The following MORN1 variants were observed in gnomAD, a reference collection of about 807,000 sequenced individuals.
MORN1 encodes MORN repeat-containing protein 1.
MORN1 carries 67 observed loss-of-function variants against 61.9 expected under a neutral mutation model. The ratio of observed to expected loss-of-function variants is 1.08; its 90% CI spans 0.89 to 1.33. The LOEUF is 1.33. Among genes scored for constraint, MORN1 ranks in the 40% most tolerant of loss-of-function variants. The probability of loss-of-function intolerance (pLI) is 0.00; values close to 1 mark genes in which losing one functional copy is unlikely to be tolerated. For missense variants in MORN1, 752 were observed against 691.2 expected (o/e 1.09, Z -0.99); for synonymous variants, 301 against 292.0 (o/e 1.03, Z -0.31).
At chr1:2,329,786 C>T (rs532961710) in intron 12 of MORN1, among the ~76,000 whole-genome samples, 1 of 152,236 alleles carries the variant, frequency 6.6e-6, no homozygotes, top group Admixed American at 6.5e-5. Context: ...TAGTGTTCCC[C>T]AAGGCCCCAC....
chr1:2,334,900 G>C lies in MORN1; in HGVS notation c.1250+1569C>G, dbSNP rs1195406675. Among the ~76,000 whole-genome samples the C allele has an allele frequency of 2.0e-5, 3 of 152,226 alleles. No individual in the cohort carries two copies. Among genetic ancestry groups the C allele is most frequent in the African/African-American group, 7.2e-5 (3 of 41,466 alleles). ...GAGGTTGCCACGGTTCTGGAGCGAA[G>C]TGGAGGTGCCGCCCTGGGCGTTCGG... On this transcript the variant is annotated intron_variant, in intron 12 of 13. Transcript: ENST00000378531. This position sits in a 1 kb window ranked among gnomAD's most constrained non-coding sequence, Gnocchi z 5.4.
intron 13 of MORN1, chr1:2,322,909 G>T: frequency 1.0e-6 from 1 of 985,412 alleles, no homozygotes. Flanking sequence ...CGGCAGGCCG[G>T]GCCTCGACGG....
intron 12 of MORN1, chr1:2,332,823 G>A (rs1010357078): frequency 9.7e-5 from 42 of 431,746 alleles, no homozygotes; most frequent in South Asian, 4.7e-4. Flanking sequence ...GGGAGAAGCC[G>A]GAGCCAGGAC....
At position 2,337,320 on chromosome 1, in the gene MORN1, C is replaced by T. The variant is rs997251484; in HGVS notation, c.1037-470G>A. ...CATCAAGATGGACCTGGCGTCAGGA[C>T]CCGTTCTCCACAGGCGTGGAGGGAG... On this transcript the variant is annotated intron_variant, in intron 10 of 13. Transcript: ENST00000378531. This position sits in a 1 kb window ranked among gnomAD's most constrained non-coding sequence, Gnocchi z 5.7. Among the ~76,000 whole-genome samples, 2 of 152,184 alleles carry T rather than the reference C, an allele frequency of 1.3e-5. No homozygotes were observed. The highest frequency in any genetic ancestry group is 4.8e-5 in the African/African-American group (2 of 41,438).
At chr1:2,342,389 C>T (rs898869573) in intron 10 of MORN1, among the ~76,000 whole-genome samples, 22 of 152,356 alleles carry the variant, frequency 1.4e-4, no homozygotes, top group East Asian at 7.7e-4. Context: ...GAAGCAGAAA[C>T]GTTGACTTCG....
rs374218411 is a variant in MORN1, at chr1:2,339,031, G to T, written c.1037-2181C>A. Among the ~76,000 whole-genome samples, 40 of 152,280 alleles carry T rather than the reference G, an allele frequency of 2.6e-4. No homozygotes were observed. The South Asian group carries it at 8.3e-3, about 32-fold the overall frequency. Reference sequence around the variant, plus strand: ...GGGTTCCTTGAGCCTGTGTGGGTTTGACACGTGGGGTCCCCTGGAGGTGCA... The same window carrying T: ...GGGTTCCTTGAGCCTGTGTGGGTTTTACACGTGGGGTCCCCTGGAGGTGCA... On this transcript the variant is annotated intron_variant, in intron 10 of 13. Coordinates refer to ENST00000378531, the MANE Select transcript of MORN1 (RefSeq NM_024848.3).
intron 6 of MORN1, 82 bp from the exon 7 acceptor site, chr1:2,374,639 T>A: frequency 8.0e-7 from 1 of 1,245,508 alleles, no homozygotes; most frequent in Non-Finnish European, 1.1e-6. Flanking sequence ...AGCTTCCTGG[T>A]GCTACAGCAG....
intron 6 of MORN1, among the ~76,000 whole-genome samples, chr1:2,384,499 G>C (rs1320242293): frequency 6.6e-6 from 1 of 152,200 alleles, no homozygotes; most frequent in Non-Finnish European, 1.5e-5. Context: ...GCTCCCTTTT[G>C]TAAGAAAAAA....
chr1:2,348,456 G>A (rs888700706), intron 10 of MORN1, among the ~76,000 whole-genome samples: 4 of 152,048 alleles, frequency 2.6e-5, no homozygotes, highest in African/African-American at 7.2e-5. Context: ...CCTCCATCCT[G>A]CCCCAGCCTG....
chr1:2,379,244 C>T, intron 6 of MORN1: 1 of 445,144 alleles, frequency 2.2e-6, no homozygotes, highest in South Asian at 1.7e-5. Flanking sequence ...TAGGAGGTGC[C>T]AAGGGCATGA....
At chr1:2,378,507 T>C (rs1642294954) in intron 6 of MORN1, 1 of 180,434 alleles carries the variant, frequency 5.5e-6, no homozygotes, top group African/African-American at 2.4e-5. Flanking sequence ...GCTCGGGGAC[T>C]GCGGCAGGCA....
chr1:2,345,157 C>G (rs1338984725), intron 10 of MORN1, among the ~76,000 whole-genome samples: 4 of 152,200 alleles, frequency 2.6e-5, no homozygotes, highest in African/African-American at 9.6e-5. Flanking sequence ...CGAGGGTCCA[C>G]GTGTGCTCAC....
intron 10 of MORN1, chr1:2,352,192 A>G (rs574487756): frequency 4.5e-6 from 1 of 223,166 alleles, no homozygotes; most frequent in Non-Finnish European, 8.8e-6. Context: ...AGCAATTAAA[A>G]AAAAAAGAAG....
intron 13 of MORN1, chr1:2,322,492 G>A (rs1640904890): frequency 1.0e-6 from 1 of 985,304 alleles, no homozygotes; most frequent in African/African-American, 1.7e-5. Context: ...GCGTTCCCAG[G>A]GCTGGACAAG....
At chr1:2,321,922 C>A in intron 13 of MORN1, 3 of 802,426 alleles carry the variant, frequency 3.7e-6, no homozygotes, top group Non-Finnish European at 4.5e-6. Context: ...CCACTGCTGA[C>A]CTGGCTACAG....
intron 12 of MORN1, chr1:2,332,320 A>G (rs1641175560): frequency 3.3e-6 from 1 of 303,588 alleles, no homozygotes; most frequent in Non-Finnish European, 6.5e-6. Context: ...GCTCCCCTAG[A>G]GCCCCGGTCT....
At chr1:2,352,929 G>T (rs1270278455) in intron 10 of MORN1, 2 of 152,488 alleles carry the variant, frequency 1.3e-5, no homozygotes, top group Non-Finnish European at 2.9e-5. Context: ...GTTTCTGCAG[G>T]TGCGGTCTCT....
rs775435501 is a variant in MORN1, at chr1:2,372,484, T to G, written c.742A>C (p.Lys248Gln). 1.9e-6 allele frequency: 3 copies of G among 1,612,344 alleles called. No homozygotes were observed. The highest frequency in any genetic ancestry group is 2.5e-6 in the Non-Finnish European group (3 of 1,179,182). ...QLLQDHGEIA[K>Q]SESGRVLQIS... is the part of the protein sequence containing the mutation. ...ATCTCCCCCTGGAGATGCTTACTCT[T>G]GGCAATTTCCCCGTGGTCCTGCAGC... The change falls in exon 8 of 14, where the codon AAG (lysine) becomes CAG (glutamine). Residue 248 changes from lysine (K) to glutamine (Q), a missense_variant. By Grantham distance (53) the Lys-to-Gln change is moderately conservative (BLOSUM62 1). Transcript: ENST00000378531. This position sits in a 1 kb window ranked among gnomAD's most constrained non-coding sequence, Gnocchi z 5.4.
At chr1:2,328,867 C>T (rs891804856) in intron 12 of MORN1, among the ~76,000 whole-genome samples, 1 of 152,238 alleles carries the variant, frequency 6.6e-6, no homozygotes, top group African/African-American at 2.4e-5. Context: ...TTGCCTCCTG[C>T]CTGGGCCGAG....
Sources: allele counts gnomAD v4.1 joint callset (sites outside exome capture counted in the v4.1 genomes callset), GRCh38; gene constraint gnomAD v4.1.1; non-coding constraint Gnocchi (gnomAD v3.1); transcripts MANE v1.5; gene names NCBI Gene and HGNC (gene_info 2026-07-23, HGNC 2026-07-21).